CSMD1: variants seen among roughly 807,000 people sequenced by gnomAD.
CSMD1 encodes the protein CUB and Sushi multiple domains 1.
Under a neutral mutation model 417.5 loss-of-function variants are expected in CSMD1, and 213 were observed. That is an observed-to-expected ratio of 0.51 (90% CI 0.46 to 0.57). CSMD1 has a LOEUF of 0.57. Among genes scored for constraint, CSMD1 ranks in the 20% least tolerant of loss-of-function variants. CSMD1 has a pLI of 0.00. For missense variants in CSMD1, 6,923 were observed against 4,529.7 expected (o/e 1.53, Z -15.17); for synonymous variants, 2,862 against 1,736.8 (o/e 1.65, Z -16.11).
chr8:3,228,493 T>C (rs566921068), intron 27 of CSMD1, among the ~76,000 whole-genome samples: 2 of 152,336 alleles, frequency 1.3e-5, no homozygotes, highest in African/African-American at 4.8e-5. Context: ...TTCATCTGCC[T>C]GCAAGTGATT....
At chr8:4,135,490 A>C (rs1182812386) in intron 3 of CSMD1, among the ~76,000 whole-genome samples, 1 of 151,994 alleles carries the variant, frequency 6.6e-6, no homozygotes, top group East Asian at 1.9e-4. Flanking sequence ...AAATATCCCC[A>C]CATATAAAAC....
At chr8:4,327,420 C>T (rs62480593) in intron 3 of CSMD1, among the ~76,000 whole-genome samples, 3 of 152,132 alleles carry the variant, frequency 2.0e-5, no homozygotes, top group African/African-American at 7.2e-5. Flanking sequence ...TTGCAGAACA[C>T]TGGCACAATC....
intron 7 of CSMD1, among the ~76,000 whole-genome samples, chr8:3,692,148 G>A (rs1403064671): frequency 2.0e-5 from 3 of 152,132 alleles, no homozygotes; most frequent in South Asian, 2.1e-4. Context: ...TATCCCAGCC[G>A]CTAATGACCA....
chr8:3,859,957 C>T (rs1029171737), intron 5 of CSMD1, among the ~76,000 whole-genome samples: 1 of 152,060 alleles, frequency 6.6e-6, no homozygotes, highest in South Asian at 2.1e-4. Flanking sequence ...TTCCATGAGT[C>T]CCAGTGAATT....
At chr8:4,214,634 G>T (rs1271276234) in intron 3 of CSMD1, among the ~76,000 whole-genome samples, 1 of 152,084 alleles carries the variant, frequency 6.6e-6, no homozygotes, top group Non-Finnish European at 1.5e-5. Context: ...CACTGAGTAT[G>T]TATTTGCATG....
intron 3 of CSMD1, among the ~76,000 whole-genome samples, chr8:4,093,205 GTAAA>G (rs1800812924): frequency 1.3e-5 from 2 of 152,072 alleles, no homozygotes; most frequent in Non-Finnish European, 2.9e-5. Context: ...TTCACATTAT[GTAAA>G]TAAAGTATAA....
chr8:3,437,688 C>G (rs1395306645), intron 12 of CSMD1, among the ~76,000 whole-genome samples: 3 of 151,878 alleles, frequency 2.0e-5, no homozygotes, highest in Non-Finnish European at 4.4e-5. Context: ...TAATCACAGT[C>G]AAAAGGAAGA....
At chr8:3,485,863 T>C (rs1228205410) in intron 11 of CSMD1, among the ~76,000 whole-genome samples, 6 of 151,770 alleles carry the variant, frequency 4.0e-5, no homozygotes, top group Non-Finnish European at 7.4e-5. Flanking sequence ...GATCAGTGGA[T>C]CATATCAAGG....
intron 3 of CSMD1, among the ~76,000 whole-genome samples, chr8:4,078,261 T>C (rs1354236631): frequency 1.3e-5 from 2 of 152,110 alleles, no homozygotes; most frequent in African/African-American, 4.8e-5. Flanking sequence ...AATTGCACTA[T>C]GCATTGATAA....
chr8:3,618,372 C>G (rs1269413758), intron 7 of CSMD1, among the ~76,000 whole-genome samples: 1 of 152,084 alleles, frequency 6.6e-6, no homozygotes, highest in South Asian at 2.1e-4. Context: ...AATACAAATT[C>G]TATTGAATAT....
rs539471840 is a variant in CSMD1, at chr8:3,110,321, T to C, written c.6445A>G (p.Asn2149Asp). The C allele has an allele frequency of 1.2e-5, 20 of 1,610,480 alleles. No individual in the cohort carries two copies. Among genetic ancestry groups the C allele is most frequent in the Non-Finnish European group, 1.7e-5 (20 of 1,178,580 alleles). The change falls in exon 43 of 70, where the codon AAC becomes GAC. Residue 2149 changes from asparagine (N) to aspartate (D), a missense_variant. By Grantham distance (23) the Asn-to-Asp change is conservative. Transcript: ENST00000635120. ...ATGGTGCCGTTCTGAGAAGTTACGT[T>C]GTACCCACAAGGGGCTGCAAAGGAA... The part of the protein sequence containing the change: ...FPRCDAPCGY[N>D]VTSQNGTIYS...
chr8:4,632,738 C>G lies in CSMD1; in HGVS notation c.302+4604G>C, dbSNP rs542217748. On this transcript the variant is annotated intron_variant, in intron 2 of 69. Coordinates refer to ENST00000635120, the MANE Select transcript of CSMD1 (RefSeq NM_033225.6). ...GTGGCCAGTGTTACAGGAGTTCATG[C>G]ACACAAAGAAAATGTACGTGGGTTG... 5.9e-5 allele frequency among the ~76,000 whole-genome samples: 9 copies of G among 152,248 alleles called. No individual in the cohort carries two copies. In the East Asian group the frequency reaches 1.5e-3, roughly 26 times the overall value.
At chr8:4,201,672 T>C (rs1476119964) in intron 3 of CSMD1, among the ~76,000 whole-genome samples, 1 of 151,986 alleles carries the variant, frequency 6.6e-6, no homozygotes, top group Non-Finnish European at 1.5e-5. Context: ...ATTTCTATAA[T>C]TTACTCAAGT....
At chr8:3,460,264 T>C (rs1816410876) in intron 12 of CSMD1, among the ~76,000 whole-genome samples, 1 of 152,094 alleles carries the variant, frequency 6.6e-6, no homozygotes, top group African/African-American at 2.4e-5. Flanking sequence ...TGATCCTTGT[T>C]GGGGAGATAC....
chr8:3,997,124 G>C (rs13253768), intron 5 of CSMD1, among the ~76,000 whole-genome samples: 66,982 of 152,048 alleles, frequency 0.44, 14,949 homozygotes, highest in African/African-American at 0.5. Context: ...CAGTTTTAAA[G>C]TGTTCAGGTT....
chr8:4,414,964 T>A (rs1296662508), intron 3 of CSMD1, among the ~76,000 whole-genome samples: 1 of 152,124 alleles, frequency 6.6e-6, no homozygotes, highest in Non-Finnish European at 1.5e-5. Flanking sequence ...TTTGGGACAA[T>A]ATAACTATCA....
chr8:3,462,778 G>A (rs1816588111), intron 12 of CSMD1, among the ~76,000 whole-genome samples: 1 of 151,292 alleles, frequency 6.6e-6, no homozygotes, highest in Non-Finnish European at 1.5e-5. Context: ...GGTCCCTTGT[G>A]CCAAAAAGGC....
chr8:3,568,907 C>A (rs1003092434), intron 10 of CSMD1, among the ~76,000 whole-genome samples: 10 of 151,956 alleles, frequency 6.6e-5, no homozygotes, highest in Non-Finnish European at 1.2e-4. Context: ...ATGAAGACCC[C>A]AGGGATAAAC....
chr8:3,254,484 C>T (rs141765916), intron 26 of CSMD1, among the ~76,000 whole-genome samples: 2,354 of 152,222 alleles, frequency 0.015, 65 homozygotes, highest in African/African-American at 0.054. Context: ...CAACTTGGTT[C>T]CATTCTCCCT....
Sources: gnomAD v4.1 joint callset for allele counts (sites outside exome capture counted in the v4.1 genomes callset) on GRCh38, gnomAD v4.1.1 for gene constraint, MANE v1.5 for transcripts, NCBI Gene and HGNC (gene_info 2026-07-23, HGNC 2026-07-21) for gene names.